Variants in C8A observed in about 807,000 individuals in gnomAD.
The protein encoded by C8A is complement C8 alpha chain, also known as complement component C8 alpha chain.
C8A carries 67 observed loss-of-function variants against 65.3 expected under a neutral mutation model. The observed-to-expected ratio is 1.03, with a 90% CI of 0.84 to 1.26. C8A has a LOEUF of 1.26. C8A is among the 50% of genes most tolerant of loss of function. The pLI, the probability that C8A is intolerant of heterozygous loss-of-function variation, is 0.00. For missense variants in C8A, 781 were observed against 723.9 expected, an observed-to-expected ratio of 1.08 and a Z score of -0.90; for synonymous variants, 290 against 259.4, an observed-to-expected ratio of 1.12 and a Z score of -1.13.
intron 10 of C8A, 141 bp downstream of exon 10, chr1:56,912,766 ACT>A: frequency 4.1e-6 from 3 of 734,510 alleles, no homozygotes; most frequent in South Asian, 3.1e-5. Flanking sequence ...GAGTTCTGTT[ACT>A]CACCCATCAC....
chr1:56,885,348 A>ATATATTTACATAAATATATATT lies in C8A; in HGVS notation c.856-571_856-570insCATAAATATATATTTATATTTA, dbSNP rs1557705574. Among the ~76,000 whole-genome samples, 6 of 88,824 alleles carry ATATATTTACATAAATATATATT rather than the reference A, an allele frequency of 6.8e-5. 1 individual carries two copies. Among genetic ancestry groups the ATATATTTACATAAATATATATT allele is most frequent in the African/African-American group, 2.9e-4 (6 of 20,592 alleles). The allele number at this position is 88,824 out of a possible 152,430, so 58.3% of individuals were successfully genotyped here. A position where few individuals can be genotyped will look rare whatever the true frequency, so the allele number is the denominator to read the frequency against. ...TATTTAAATATATATTTACATAAATATATATTTATGTAAATATATATTTAT... is the reference window on the plus strand; with the variant it reads ...TATTTAAATATATATTTACATAAATATATATTTACATAAATATATATTTATATTTATGTAAATATATATTTAT... On this transcript the variant is annotated intron_variant, in intron 6 of 10. Transcript: ENST00000361249.
At chr1:56,877,457 G>A (rs995539468) in intron 4 of C8A, among the ~76,000 whole-genome samples, 1 of 152,114 alleles carries the variant, frequency 6.6e-6, no homozygotes, top group Non-Finnish European at 1.5e-5. Flanking sequence ...GTGTCTATCT[G>A]CCCAGGCTAG....
intron 7 of C8A, among the ~76,000 whole-genome samples, chr1:56,899,323 T>C (rs1644408144): frequency 6.6e-6 from 1 of 152,192 alleles, no homozygotes; most frequent in South Asian, 2.1e-4. Context: ...CTCTTTCCCA[T>C]AGGCGGTATA....
chr1:56,877,344 T>C (rs1644208286), intron 4 of C8A, among the ~76,000 whole-genome samples: 1 of 152,122 alleles, frequency 6.6e-6, no homozygotes, highest in South Asian at 2.1e-4. Flanking sequence ...CCCCTGCTCT[T>C]GACTTTGCCT....
intron 7 of C8A, among the ~76,000 whole-genome samples, chr1:56,905,061 T>A (rs1644453490): frequency 1.3e-5 from 2 of 152,172 alleles, no homozygotes; most frequent in South Asian, 4.1e-4. Context: ...AAGCATTTTT[T>A]AATCAAAACA....
At chr1:56,883,753 T>C in intron 6 of C8A, 72 bp downstream of exon 6, 1 of 1,298,102 alleles carries the variant, frequency 7.7e-7, no homozygotes, top group Non-Finnish European at 1.1e-6. Flanking sequence ...CTTAATTGCA[T>C]TAAAAAGTAC....
At chr1:56,896,224 T>G (rs1235521890) in intron 7 of C8A, among the ~76,000 whole-genome samples, 1 of 152,120 alleles carries the variant, frequency 6.6e-6, no homozygotes, top group African/African-American at 2.4e-5. Context: ...TTATATAAAA[T>G]GTATATATAA....
At chr1:56,895,202 C>A (rs559053229) in intron 7 of C8A, among the ~76,000 whole-genome samples, 2 of 152,170 alleles carry the variant, frequency 1.3e-5, no homozygotes, top group East Asian at 3.9e-4. Flanking sequence ...GTCATTCATT[C>A]TGATACTATA....
At chr1:56,866,022 C>G (rs1644084726) in intron 1 of C8A, among the ~76,000 whole-genome samples, 1 of 152,144 alleles carries the variant, frequency 6.6e-6, no homozygotes. Flanking sequence ...CTTTCAGGTT[C>G]CACATGCCAC....
intron 7 of C8A, among the ~76,000 whole-genome samples, chr1:56,895,941 C>T (rs1276057256): frequency 6.6e-6 from 1 of 151,878 alleles, no homozygotes; most frequent in African/African-American, 2.4e-5. Flanking sequence ...AGAGAGAGGC[C>T]CTGTCTCAAA....
intron 9 of C8A, among the ~76,000 whole-genome samples, chr1:56,909,748 A>G (rs1481438015): frequency 6.6e-6 from 1 of 152,228 alleles, no homozygotes; most frequent in Non-Finnish European, 1.5e-5. Flanking sequence ...ACCTTTGACA[A>G]GTTACTTCCC....
At position 56,854,868 on chromosome 1, in the gene C8A, T is replaced by A; in HGVS notation, c.-34T>A. On this transcript the variant is annotated 5_prime_UTR_variant, in exon 1 of 11. Coordinates refer to ENST00000361249, the MANE Select transcript of C8A (RefSeq NM_000562.3). ...TTCCTGAATAGATAGCTTTATTCCTTCAAGGTAATATAGTGCGGTGGCTTC... is the reference window on the plus strand; with the variant it reads ...TTCCTGAATAGATAGCTTTATTCCTACAAGGTAATATAGTGCGGTGGCTTC... 1.3e-6 allele frequency: 2 copies of A among 1,590,840 alleles called. No homozygotes were observed. The highest frequency in any genetic ancestry group is 2.2e-5 in the South Asian group (2 of 89,438).
At chr1:56,906,850 C>A in intron 8 of C8A, 58 bp downstream of exon 8, 1 of 1,605,008 alleles carries the variant, frequency 6.2e-7, no homozygotes, top group Non-Finnish European at 8.5e-7. Context: ...TTTGGACACA[C>A]ACTGGGACAT....
chr1:56,866,386 C>T (rs537032745), intron 1 of C8A, among the ~76,000 whole-genome samples: 20 of 152,222 alleles, frequency 1.3e-4, no homozygotes, highest in African/African-American at 4.8e-4. Context: ...GTAGATCTAG[C>T]CCACTTACCA....
chr1:56,856,927 C>A (rs1643982605), intron 1 of C8A, among the ~76,000 whole-genome samples: 1 of 152,036 alleles, frequency 6.6e-6, no homozygotes, highest in African/African-American at 2.4e-5. Flanking sequence ...GCCTCAAAAT[C>A]TGTGGGTCTC....
chr1:56,871,500 C>T (rs1205635188), intron 2 of C8A, among the ~76,000 whole-genome samples: 3 of 152,154 alleles, frequency 2.0e-5, no homozygotes, highest in Non-Finnish European at 4.4e-5. Flanking sequence ...GATTTCTTTA[C>T]ATGTGTTATG....
chr1:56,914,547 G>T (rs1445218701), intron 10 of C8A, among the ~76,000 whole-genome samples: 2 of 152,188 alleles, frequency 1.3e-5, no homozygotes, highest in Non-Finnish European at 2.9e-5. Context: ...GGATCTTCAT[G>T]CAGTAGACCT....
chr1:56,911,507 C>T (rs1188330367), intron 9 of C8A, among the ~76,000 whole-genome samples: 2 of 152,158 alleles, frequency 1.3e-5, no homozygotes, highest in Non-Finnish European at 2.9e-5. Flanking sequence ...ACTTCTCAGT[C>T]GAGGCAATTG....
chr1:56,856,663 A>C (rs1643980005), intron 1 of C8A, among the ~76,000 whole-genome samples: 1 of 152,128 alleles, frequency 6.6e-6, no homozygotes, highest in African/African-American at 2.4e-5. Flanking sequence ...GTACACATTT[A>C]TTTTATAAGT....
Sources: allele counts gnomAD v4.1 joint callset (sites outside exome capture counted in the v4.1 genomes callset), GRCh38; gene constraint gnomAD v4.1.1; transcripts MANE v1.5; gene names NCBI Gene and HGNC (gene_info 2026-07-23, HGNC 2026-07-21).